Variants in CAMK1D observed in about 807,000 individuals in gnomAD.
The protein encoded by CAMK1D is calcium/calmodulin-dependent protein kinase type 1D.
A neutral mutation model predicts 47.7 loss-of-function variants in CAMK1D; 9 were observed. The ratio of observed to expected loss-of-function variants is 0.19; its 90% CI spans 0.11 to 0.33. The LOEUF (loss-of-function observed/expected upper bound fraction) is 0.33. Ranked by LOEUF, CAMK1D falls within the 10% of genes least tolerant of loss-of-function variation. CAMK1D has a pLI of 1.00. For synonymous variants in CAMK1D, 184 were observed against 184.9 expected (o/e 0.99, Z 0.04); for missense variants, 291 against 488.7 (o/e 0.60, Z 3.81).
rs995257646 is a variant in CAMK1D at position 12,833,139 on chromosome 10, CAT to C, written c.*4254_*4255del. The C allele has an allele frequency of 5.2e-5, 8 of 152,640 alleles. No homozygotes were observed. The highest frequency in any genetic ancestry group is 1.7e-4 in the African/African-American group (7 of 41,578). 9.5% of individuals were successfully genotyped at this position (152,640 alleles called of 1,614,324 possible). A position where few individuals can be genotyped will look rare whatever the true frequency, so the allele number is the denominator to read the frequency against. The stretch of plus-strand genomic sequence containing the variant: ...TGGCCATGCTGGCCAAGGCTGGGCT[CAT>C]AGGAAATATCTGTAGTAGGATGAAA... On this transcript the variant is annotated 3_prime_UTR_variant, in exon 11 of 11. Transcript: ENST00000619168.
intron 2 of CAMK1D, among the ~76,000 whole-genome samples, chr10:12,586,087 A>G (rs886952096): frequency 6.6e-6 from 1 of 152,184 alleles, no homozygotes; most frequent in Non-Finnish European, 1.5e-5. Context: ...GAGCATAGGT[A>G]TTTATAGATC....
chr10:12,652,767 C>T (rs1221330259), intron 2 of CAMK1D, among the ~76,000 whole-genome samples: 1 of 152,172 alleles, frequency 6.6e-6, no homozygotes, highest in African/African-American at 2.4e-5. Context: ...ACTATAAGCT[C>T]AGACCACCTT....
chr10:12,374,985 G>T (rs937360093), intron 1 of CAMK1D, among the ~76,000 whole-genome samples: 2 of 151,872 alleles, frequency 1.3e-5, no homozygotes, highest in Non-Finnish European at 2.9e-5. Context: ...GTGGAGATGG[G>T]GGTCTCACTA....
At chr10:12,366,102 C>T (rs908476568) in intron 1 of CAMK1D, among the ~76,000 whole-genome samples, 1 of 152,192 alleles carries the variant, frequency 6.6e-6, no homozygotes, top group African/African-American at 2.4e-5. Flanking sequence ...ACATTCACCT[C>T]TTGAAACATA....
At chr10:12,705,477 A>G (rs1198383972) in intron 3 of CAMK1D, among the ~76,000 whole-genome samples, 1 of 152,116 alleles carries the variant, frequency 6.6e-6, no homozygotes. Flanking sequence ...AAGAAAAGAA[A>G]AGAAAAGAAT....
At chr10:12,527,583 G>T (rs776139535) in intron 1 of CAMK1D, among the ~76,000 whole-genome samples, 2 of 152,118 alleles carry the variant, frequency 1.3e-5, no homozygotes, top group African/African-American at 2.4e-5. Context: ...GGTCTGGCTG[G>T]TGTTGAGGTC....
chr10:12,666,995 G>A (rs1840453879), intron 3 of CAMK1D, 185 bp downstream of exon 3: 4 of 587,910 alleles, frequency 6.8e-6, no homozygotes, highest in South Asian at 6.4e-5. Context: ...GGCGTCTACA[G>A]GCCTCCCTTG....
chr10:12,504,028 C>G (rs1046658000), intron 1 of CAMK1D, among the ~76,000 whole-genome samples: 5 of 152,004 alleles, frequency 3.3e-5, no homozygotes, highest in Non-Finnish European at 7.4e-5. Context: ...CTGGTAGAGA[C>G]CTTGAGCATA....
chr10:12,791,091 C>T, intron 5 of CAMK1D, 67 bp from the exon 6 acceptor site: 1 of 1,477,868 alleles, frequency 6.8e-7, no homozygotes, highest in Non-Finnish European at 9.4e-7. Context: ...ATAGCAGACC[C>T]CAAAAACTGT....
intron 4 of CAMK1D, among the ~76,000 whole-genome samples, chr10:12,766,132 G>A (rs11599310): frequency 0.34 from 51,410 of 151,336 alleles, 9,903 homozygotes; most frequent in Non-Finnish European, 0.44. Flanking sequence ...CGCCCGGCTA[G>A]TTTTGTATTT....
chr10:12,507,907 T>C (rs1181308951), intron 1 of CAMK1D, among the ~76,000 whole-genome samples: 1 of 152,136 alleles, frequency 6.6e-6, no homozygotes, highest in African/African-American at 2.4e-5. Flanking sequence ...CCCTCTTCTC[T>C]CATCCCTCTC....
chr10:12,761,148 G>C, intron 4 of CAMK1D, 62 bp downstream of exon 4: 1 of 1,573,354 alleles, frequency 6.4e-7, no homozygotes, highest in East Asian at 2.3e-5. Flanking sequence ...ACGCGACCAA[G>C]AGGGCTGATG....
chr10:12,772,241 G>A (rs921994346), intron 5 of CAMK1D, among the ~76,000 whole-genome samples: 1 of 152,148 alleles, frequency 6.6e-6, no homozygotes, highest in African/African-American at 2.4e-5. Context: ...CAGGGAAGCC[G>A]TGAATACATG....
chr10:12,645,773 G>A (rs536032681), intron 2 of CAMK1D, among the ~76,000 whole-genome samples: 1 of 152,228 alleles, frequency 6.6e-6, no homozygotes, highest in East Asian at 1.9e-4. Flanking sequence ...GATGGGCGCC[G>A]CCATCATGTC....
intron 2 of CAMK1D, among the ~76,000 whole-genome samples, chr10:12,565,872 G>A (rs1006237700): frequency 2.6e-5 from 4 of 151,938 alleles, no homozygotes; most frequent in Non-Finnish European, 5.9e-5. Flanking sequence ...GAAAGGGGCC[G>A]CTTCTCCTTG....
chr10:12,822,844 C>G (rs1369141284), intron 8 of CAMK1D, among the ~76,000 whole-genome samples: 2 of 152,210 alleles, frequency 1.3e-5, no homozygotes. Context: ...GTTGCCCATT[C>G]AAATACTCTA....
intron 6 of CAMK1D, among the ~76,000 whole-genome samples, chr10:12,793,647 C>T (rs1564566628): frequency 6.6e-6 from 1 of 151,870 alleles, no homozygotes; most frequent in African/African-American, 2.4e-5. Context: ...GCTGTGTCCT[C>T]ACATGCTGTA....
intron 1 of CAMK1D, among the ~76,000 whole-genome samples, chr10:12,463,274 A>G (rs1321767085): frequency 1.3e-5 from 2 of 151,874 alleles, no homozygotes; most frequent in East Asian, 1.9e-4. Flanking sequence ...AGTAGCTGAG[A>G]TTAGAGGCGC....
chr10:12,447,922 G>A (rs1832967503), intron 1 of CAMK1D, among the ~76,000 whole-genome samples: 1 of 152,008 alleles, frequency 6.6e-6, no homozygotes, highest in African/African-American at 2.4e-5. Context: ...GCACAATCTC[G>A]GCTCACTGAA....
Sources: gnomAD v4.1 joint callset for allele counts (sites outside exome capture counted in the v4.1 genomes callset) on GRCh38, gnomAD v4.1.1 for gene constraint, MANE v1.5 for transcripts, NCBI Gene and HGNC (gene_info 2026-07-23, HGNC 2026-07-21) for gene names.